Variants in HYDIN observed in about 807,000 individuals in gnomAD.
The protein encoded by HYDIN is HYDIN axonemal central pair apparatus protein.
A neutral mutation model predicts 403.9 loss-of-function variants in HYDIN; 132 were observed. The observed-to-expected ratio is 0.33, with a 90% confidence interval of 0.28 to 0.38. HYDIN has a LOEUF of 0.38. Ranked by LOEUF, HYDIN falls within the 10% of genes least tolerant of loss-of-function variation. HYDIN has a pLI of 1.00. For synonymous variants in HYDIN, 1,202 were observed against 1,891.7 expected (o/e 0.64, Z 9.46); for missense variants, 2,827 against 5,009.5 (o/e 0.56, Z 13.15).
chr16:70,850,251 C>A lies in HYDIN; in HGVS notation c.12651+197G>T, dbSNP rs557268837. Among the ~76,000 whole-genome samples the A allele has an allele frequency of 6.9e-5, 10 of 144,376 alleles. No individual in the cohort carries two copies. In the South Asian group the frequency reaches 1.0e-3, roughly 15 times the overall value. The allele number at this position is 144,376 out of a possible 152,430, so 94.7% of individuals were successfully genotyped here. On this transcript the variant is annotated intron_variant, in intron 74 of 85. Transcript: ENST00000393567. ...CTTCTCCCCACCATCTCTCCACCCC[C>A]CCCTGAAAATAAAATAAGAAAAGCA...
intron 1 of HYDIN, among the ~76,000 whole-genome samples, chr16:71,228,985 G>C (rs894437193): frequency 6.6e-6 from 1 of 152,058 alleles, no homozygotes; most frequent in Admixed American, 6.5e-5. Context: ...CATAAAAAAG[G>C]ATGAGTTCAT....
At chr16:71,031,127 G>C (rs890747310) in intron 19 of HYDIN, among the ~76,000 whole-genome samples, 1 of 149,142 alleles carries the variant, frequency 6.7e-6, no homozygotes, top group Non-Finnish European at 1.5e-5. Flanking sequence ...GTGAACCCGG[G>C]AGGCGGAGCT....
rs760470209 is a variant in HYDIN, at chr16:70,920,774, C to T, written c.7602G>A (p.Glu2534=). The change falls in exon 46 of 86, where the codon GAG becomes GAA. Residue 2534 remains glutamate (E), a synonymous_variant. Transcript: ENST00000393567. ...CCAGGGCTCGCAGCTTCTCCAGGCG[C>T]TCCCGCTCCGCCTTCTCCCTCTCCA... The part of the protein sequence containing the change: ...ERLEREKAER[E]RLEKLRALEE... 9 of 1,559,914 alleles carry T rather than the reference C, an allele frequency of 5.8e-6. No homozygotes were observed. The highest frequency in any genetic ancestry group is 6.1e-6 in the Non-Finnish European group (7 of 1,151,262).
At chr16:70,960,852 C>T (rs561090428) in intron 38 of HYDIN, among the ~76,000 whole-genome samples, 1,560 of 152,120 alleles carry the variant, frequency 0.01, 11 homozygotes, top group Non-Finnish European at 0.016. Context: ...CCACCATGCC[C>T]GGCTAATTTT....
chr16:71,026,324 A>T (rs1444571484), intron 20 of HYDIN, among the ~76,000 whole-genome samples: 1 of 152,176 alleles, frequency 6.6e-6, no homozygotes, highest in Non-Finnish European at 1.5e-5. Flanking sequence ...CAGCATGAAT[A>T]GGTTATATAG....
At chr16:71,175,550 A>C in intron 5 of HYDIN, 57 bp downstream of exon 5, 2 of 1,582,424 alleles carry the variant, frequency 1.3e-6, no homozygotes, top group Non-Finnish European at 8.7e-7. Flanking sequence ...AAATATTCAG[A>C]ATTGAACTGC....
chr16:71,163,788 C>T (rs1479641344), intron 5 of HYDIN, among the ~76,000 whole-genome samples: 1 of 152,342 alleles, frequency 6.6e-6, no homozygotes, highest in Admixed American at 6.5e-5. Flanking sequence ...AGAAAAACCA[C>T]CCAGCTGAAC....
intron 57 of HYDIN, among the ~76,000 whole-genome samples, chr16:70,891,175 T>A (rs1485869178): frequency 1.3e-5 from 2 of 151,950 alleles, no homozygotes; most frequent in East Asian, 3.9e-4. Context: ...GTATAGTATT[T>A]AAAAAAAAAT....
intron 10 of HYDIN, among the ~76,000 whole-genome samples, chr16:71,098,257 A>C (rs979742007): frequency 1.0e-4 from 15 of 146,144 alleles, no homozygotes; most frequent in Non-Finnish European, 2.1e-4. Flanking sequence ...GCTGGAGTGC[A>C]GTGGTGCGAT....
intron 58 of HYDIN, among the ~76,000 whole-genome samples, chr16:70,885,816 C>T (rs1448733100): frequency 6.6e-6 from 1 of 151,946 alleles, no homozygotes; most frequent in Non-Finnish European, 1.5e-5. Flanking sequence ...GAAATAGAAG[C>T]CTTTGCTTGA....
chr16:71,217,364 T>A (rs1424911187), intron 1 of HYDIN, among the ~76,000 whole-genome samples: 23 of 152,196 alleles, frequency 1.5e-4, no homozygotes, highest in Non-Finnish European at 1.8e-4. Flanking sequence ...CAAAATCATC[T>A]GAATTAAGTA....
At chr16:71,088,562 G>A (rs1319732476) in intron 11 of HYDIN, 38 bp from the exon 12 acceptor site, 5 of 628,028 alleles carry the variant, frequency 8.0e-6, no homozygotes, top group East Asian at 5.4e-5. Flanking sequence ...AGGTCAATGG[G>A]CCTCTGACCT....
intron 18 of HYDIN, among the ~76,000 whole-genome samples, chr16:71,043,975 GGAGA>G (rs1181842018): frequency 2.7e-5 from 4 of 150,922 alleles, no homozygotes; most frequent in Admixed American, 1.3e-4. Flanking sequence ...AGGGAGAGGT[GGAGA>G]GAGAGAGAGA....
intron 9 of HYDIN, among the ~76,000 whole-genome samples, chr16:71,124,732 AG>A (rs1306553577): frequency 6.6e-6 from 1 of 152,100 alleles, no homozygotes; most frequent in Non-Finnish European, 1.5e-5. Context: ...TCAGAAAGCA[AG>A]GTGGTCTCTA....
intron 18 of HYDIN, among the ~76,000 whole-genome samples, chr16:71,032,721 T>C (rs1226581440): frequency 1.2e-5 from 1 of 86,736 alleles, no homozygotes; most frequent in African/African-American, 4.0e-5. Flanking sequence ...TTTCTCAACC[T>C]GTCTCTGTTT....
chr16:71,117,284 TG>T (rs1457465269), intron 9 of HYDIN, among the ~76,000 whole-genome samples: 1 of 138,044 alleles, frequency 7.2e-6, no homozygotes, highest in African/African-American at 2.8e-5. Context: ...CAAAATGCAA[TG>T]TATCAGAATC....
intron 19 of HYDIN, among the ~76,000 whole-genome samples, chr16:71,030,430 TC>T (rs2080865694): frequency 1.4e-5 from 2 of 140,708 alleles, no homozygotes; most frequent in South Asian, 4.3e-4. Context: ...GTTCTTCTTT[TC>T]TTTCTTTTTT....
At chr16:71,171,476 T>TG (rs758136879) in intron 5 of HYDIN, among the ~76,000 whole-genome samples, 4 of 152,382 alleles carry the variant, frequency 2.6e-5, no homozygotes, top group Admixed American at 2.0e-4. Flanking sequence ...CCATTGGATC[T>TG]GGCTCAGAAA....
At chr16:70,880,830 G>A (rs1265345027) in intron 60 of HYDIN, among the ~76,000 whole-genome samples, 1 of 152,176 alleles carries the variant, frequency 6.6e-6, no homozygotes, top group African/African-American at 2.4e-5. Flanking sequence ...GGGCACTCAG[G>A]TTTCTCTTTG....
Sources: allele counts gnomAD v4.1 joint callset (sites outside exome capture counted in the v4.1 genomes callset), GRCh38; gene constraint gnomAD v4.1.1; transcripts MANE v1.5; gene names NCBI Gene and HGNC (gene_info 2026-07-23, HGNC 2026-07-21).